The following TEKTL1 variants were observed in gnomAD, a reference collection of about 807,000 sequenced individuals.
The protein encoded by TEKTL1 is tektin-like protein 1.
chr19:15,019,962 C>CA, the TEKTL1 span, among the ~76,000 whole-genome samples: 25 of 139,094 alleles, frequency 1.8e-4, no homozygotes, highest in Non-Finnish European at 2.5e-4. Context: ...TGTCTCAAAA[C>CA]AAAAAAAAAT....
the TEKTL1 span, chr19:15,011,432 G>A: frequency 7.2e-7 from 1 of 1,390,874 alleles, no homozygotes; most frequent in Non-Finnish European, 9.4e-7. Flanking sequence ...CAGCCTAACT[G>A]CAAAGACTGA....
chr19:15,023,260 A>G, the TEKTL1 span: 1 of 759,372 alleles, frequency 1.3e-6, no homozygotes, highest in Non-Finnish European at 2.1e-6. Flanking sequence ...ATTAAAAATA[A>G]CAATAATTAT....
chr19:15,013,000 G>A, the TEKTL1 span, among the ~76,000 whole-genome samples: 4 of 151,926 alleles, frequency 2.6e-5, no homozygotes, highest in Admixed American at 6.6e-5. Flanking sequence ...CCCAGGCCTC[G>A]TCTGTGGTGA....
chr19:15,015,513 C>G, the TEKTL1 span, among the ~76,000 whole-genome samples: 24 of 150,576 alleles, frequency 1.6e-4, no homozygotes, highest in African/African-American at 5.9e-4. Context: ...CTCATTTTTC[C>G]TCTGTCAATC....
the TEKTL1 span, among the ~76,000 whole-genome samples, chr19:15,018,720 G>A: frequency 0.8 from 65,136 of 81,678 alleles, 27,160 homozygotes; most frequent in East Asian, 0.83. Flanking sequence ...CTCAAAATAT[G>A]TATATATATA....
At chr19:15,014,330 G>A in the TEKTL1 span, among the ~76,000 whole-genome samples, 1 of 152,078 alleles carries the variant, frequency 6.6e-6, no homozygotes, top group Non-Finnish European at 1.5e-5. Context: ...GTGTGCTTTC[G>A]ACTCATCCTT....
At chr19:15,012,224 G>A in the TEKTL1 span, among the ~76,000 whole-genome samples, 5 of 151,880 alleles carry the variant, frequency 3.3e-5, no homozygotes, top group East Asian at 1.9e-4. Context: ...CAGGCCAACC[G>A]CAAACCAGCA....
the TEKTL1 span, chr19:15,013,678 G>T: frequency 8.7e-6 from 14 of 1,612,362 alleles, no homozygotes; most frequent in Non-Finnish European, 1.2e-5. Flanking sequence ...CTAGGTCCCT[G>T]ACAAAGCTGA....
chr19:15,022,421 C>G, the TEKTL1 span, among the ~76,000 whole-genome samples: 1 of 152,052 alleles, frequency 6.6e-6, no homozygotes, highest in Non-Finnish European at 1.5e-5. Context: ...CTTCACCTCC[C>G]GGGTTCAAGC....
chr19:15,018,715 A>AAAATATATATATATATATATATAT, the TEKTL1 span, among the ~76,000 whole-genome samples: 1 of 68,252 alleles, frequency 1.5e-5, no homozygotes, highest in African/African-American at 4.2e-5. Flanking sequence ...CCTATCTCAA[A>AAAATATATATATATATATATATAT]ATATGTATAT....
At chr19:15,011,515 C>G in the TEKTL1 span, 1 of 856,542 alleles carries the variant, frequency 1.2e-6, no homozygotes, top group Non-Finnish European at 1.6e-6. Context: ...TGGTTGATCA[C>G]CTGAGGTCAG....
the TEKTL1 span, among the ~76,000 whole-genome samples, chr19:15,018,715 A>AAAAAATATATATATATAT: frequency 1.5e-5 from 1 of 68,252 alleles, no homozygotes; most frequent in African/African-American, 4.2e-5. Flanking sequence ...CCTATCTCAA[A>AAAAAATATATATATATAT]ATATGTATAT....
chr19:15,014,374 G>T, the TEKTL1 span, among the ~76,000 whole-genome samples: 1 of 152,060 alleles, frequency 6.6e-6, no homozygotes, highest in South Asian at 2.1e-4. Context: ...TGCTTCCCAG[G>T]CACCAGGCTT....
the TEKTL1 span, chr19:15,022,940 A>G: frequency 1.2e-6 from 2 of 1,612,200 alleles, no homozygotes; most frequent in Non-Finnish European, 8.5e-7. Context: ...CGCCACGCAC[A>G]AGAACCTCAG....
the TEKTL1 span, chr19:15,022,804 A>T: frequency 6.8e-7 from 1 of 1,466,012 alleles, no homozygotes; most frequent in African/African-American, 1.4e-5. Flanking sequence ...CACCTGGCGC[A>T]GGTGTGCCTT....
At chr19:15,022,307 G>A in the TEKTL1 span, among the ~76,000 whole-genome samples, 772 of 113,296 alleles carry the variant, frequency 6.8e-3, 3 homozygotes, top group African/African-American at 0.024. Context: ...CCTTAAAGCT[G>A]CCCAGCTGTT....
At chr19:15,016,346 C>T in the TEKTL1 span, among the ~76,000 whole-genome samples, 1 of 152,040 alleles carries the variant, frequency 6.6e-6, no homozygotes, top group Admixed American at 6.6e-5. Context: ...CCTGCCAGCA[C>T]ACCCGGCTAA....
chr19:15,019,019 G>T, the TEKTL1 span, among the ~76,000 whole-genome samples: 16 of 151,922 alleles, frequency 1.1e-4, no homozygotes, highest in Non-Finnish European at 1.8e-4. Flanking sequence ...TGCAATCATG[G>T]CTCACTGCAG....
chr19:15,021,954 C>T, the TEKTL1 span: 1 of 1,513,684 alleles, frequency 6.6e-7, no homozygotes, highest in Non-Finnish European at 9.1e-7. Flanking sequence ...CTAGGCCCAG[C>T]CCCGCCAATG....
Sources: allele counts gnomAD v4.1 joint callset (sites outside exome capture counted in the v4.1 genomes callset), GRCh38; gene constraint gnomAD v4.1.1; transcripts MANE v1.5; gene names NCBI Gene and HGNC (gene_info 2026-07-23, HGNC 2026-07-21).